NRXN3: variants seen among roughly 807,000 people sequenced by gnomAD.
NRXN3 encodes neurexin 3.
Under a neutral mutation model 137.6 loss-of-function variants are expected in NRXN3, and 32 were observed. The ratio of observed to expected loss-of-function variants is 0.23; its 90% CI spans 0.18 to 0.31. NRXN3 has a LOEUF of 0.31. NRXN3 is among the 10% of genes least tolerant of loss of function. The pLI is 1.00. For missense variants in NRXN3, 1,574 were observed against 2,062.5 expected (o/e 0.76, Z 4.59); for synonymous variants, 798 against 784.5 (o/e 1.02, Z -0.29).
At chr14:78,257,063 G>T (rs1291003232) in intron 2 of NRXN3, among the ~76,000 whole-genome samples, 1 of 152,186 alleles carries the variant, frequency 6.6e-6, no homozygotes, top group African/African-American at 2.4e-5. Flanking sequence ...GGCTCTGAGG[G>T]CTTCATGGGG....
intron 15 of NRXN3, among the ~76,000 whole-genome samples, chr14:79,461,478 A>G (rs1484380431): frequency 6.6e-6 from 1 of 152,226 alleles, no homozygotes; most frequent in Non-Finnish European, 1.5e-5. Context: ...TCACTCCTAA[A>G]ACAGCCAGAG....
At chr14:79,561,221 A>C (rs1035549782) in intron 16 of NRXN3, among the ~76,000 whole-genome samples, 3 of 152,188 alleles carry the variant, frequency 2.0e-5, no homozygotes, top group African/African-American at 7.2e-5. Flanking sequence ...GTTGAATACA[A>C]CTCATAATGC....
chr14:79,060,189 T>C (rs1337476675), intron 15 of NRXN3, among the ~76,000 whole-genome samples: 2 of 152,248 alleles, frequency 1.3e-5, no homozygotes, highest in Non-Finnish European at 2.9e-5. Flanking sequence ...TTCAATGTTC[T>C]GTTGGAGGAG....
At chr14:79,559,910 C>T (rs1050307618) in intron 16 of NRXN3, among the ~76,000 whole-genome samples, 1 of 152,062 alleles carries the variant, frequency 6.6e-6, no homozygotes, top group Non-Finnish European at 1.5e-5. Context: ...GCTTGCATCC[C>T]TGAGGACGGG....
intron 15 of NRXN3, among the ~76,000 whole-genome samples, chr14:79,355,295 T>C (rs1478201916): frequency 2.0e-5 from 3 of 150,166 alleles, no homozygotes; most frequent in African/African-American, 7.4e-5. Context: ...CTCCAACTCT[T>C]CTTCACATCT....
At chr14:79,663,743 G>T in intron 16 of NRXN3, 35 bp from the exon 17 acceptor site, 1 of 1,595,960 alleles carries the variant, frequency 6.3e-7, no homozygotes, top group South Asian at 1.1e-5. Flanking sequence ...TTCGTGGTTG[G>T]TGATAACTAT....
chr14:79,713,252 T>C (rs1281847559), intron 19 of NRXN3, among the ~76,000 whole-genome samples: 2 of 149,144 alleles, frequency 1.3e-5, no homozygotes, highest in African/African-American at 4.9e-5. Context: ...CTCAGGTCTC[T>C]TGAACCACAT....
chr14:78,613,410 C>T (rs2097316464), intron 4 of NRXN3, among the ~76,000 whole-genome samples: 1 of 152,024 alleles, frequency 6.6e-6, no homozygotes, highest in South Asian at 2.1e-4. Flanking sequence ...AAATTATCCC[C>T]ATTATCTCAT....
chr14:78,297,149 T>C (rs1352203444), intron 3 of NRXN3, among the ~76,000 whole-genome samples: 3 of 152,182 alleles, frequency 2.0e-5, no homozygotes, highest in Non-Finnish European at 2.9e-5. Context: ...GTGGAGGCCT[T>C]TCTAGGAAAG....
intron 16 of NRXN3, among the ~76,000 whole-genome samples, chr14:79,477,004 A>T (rs1283500105): frequency 2.0e-5 from 3 of 152,128 alleles, no homozygotes; most frequent in Non-Finnish European, 4.4e-5. Context: ...GATGTGAAGA[A>T]AGTTAATATC....
At chr14:78,617,131 T>TA (rs1428124704) in intron 4 of NRXN3, among the ~76,000 whole-genome samples, 4 of 152,066 alleles carry the variant, frequency 2.6e-5, no homozygotes, top group Admixed American at 6.6e-5. Context: ...TGTATATATA[T>TA]TTTTTTTCCT....
chr14:79,860,439 T>C (rs1222518256), intron 20 of NRXN3, among the ~76,000 whole-genome samples: 1 of 152,214 alleles, frequency 6.6e-6, no homozygotes, highest in African/African-American at 2.4e-5. Context: ...ATTTTTAACT[T>C]TTTAAAAATC....
At chr14:78,890,213 A>C (rs1016778421) in intron 10 of NRXN3, among the ~76,000 whole-genome samples, 1 of 151,974 alleles carries the variant, frequency 6.6e-6, no homozygotes, top group Non-Finnish European at 1.5e-5. Context: ...GAATACAACA[A>C]GGAACAGGAT....
chr14:79,534,167 T>G (rs954663130), intron 16 of NRXN3, among the ~76,000 whole-genome samples: 2 of 152,168 alleles, frequency 1.3e-5, no homozygotes, highest in African/African-American at 4.8e-5. Context: ...AGGTGAAAAC[T>G]TTGAATCTTG....
chr14:79,363,015 T>A (rs1009294693), intron 15 of NRXN3, among the ~76,000 whole-genome samples: 2 of 152,010 alleles, frequency 1.3e-5, no homozygotes, highest in Non-Finnish European at 2.9e-5. Flanking sequence ...TTTTTTTTTT[T>A]TTTTTTGAGT....
At chr14:79,287,517 C>T (rs2082467303) in intron 15 of NRXN3, among the ~76,000 whole-genome samples, 1 of 152,104 alleles carries the variant, frequency 6.6e-6, no homozygotes, top group Admixed American at 6.6e-5. Flanking sequence ...CTGGTTTGTG[C>T]TGGGAAGAAG....
intron 8 of NRXN3, among the ~76,000 whole-genome samples, chr14:78,750,843 A>G (rs2098637843): frequency 6.6e-6 from 1 of 152,180 alleles, no homozygotes; most frequent in African/African-American, 2.4e-5. Flanking sequence ...AGAGCTCAGG[A>G]GGTAACTAGC....
chr14:78,846,114 C>G (rs1195420836), intron 10 of NRXN3, among the ~76,000 whole-genome samples: 3 of 152,050 alleles, frequency 2.0e-5, no homozygotes, highest in Non-Finnish European at 2.9e-5. Flanking sequence ...ATCCTATCTG[C>G]TCATCATTTT....
At chr14:79,498,821 G>A (rs139596416) in intron 16 of NRXN3, among the ~76,000 whole-genome samples, 32 of 152,242 alleles carry the variant, frequency 2.1e-4, no homozygotes, top group African/African-American at 7.2e-4. Context: ...GTCTTGCTCT[G>A]TGTCCCATGC....
Sources: gnomAD v4.1 joint callset for allele counts (sites outside exome capture counted in the v4.1 genomes callset) on GRCh38, gnomAD v4.1.1 for gene constraint, MANE v1.5 for transcripts, NCBI Gene and HGNC (gene_info 2026-07-23, HGNC 2026-07-21) for gene names.